Variants in ABCC12 observed in about 807,000 individuals in gnomAD.
ABCC12 encodes ATP binding cassette subfamily C member 12, also known as ATP-binding cassette sub-family C member 12.
In ABCC12, 142 loss-of-function variants were observed where a neutral mutation model predicts 151.1. The observed-to-expected ratio is 0.94, with a 90% CI of 0.82 to 1.08. The LOEUF (loss-of-function observed/expected upper bound fraction) is 1.08. Among genes scored for constraint, ABCC12 ranks in the 50% least tolerant of loss-of-function variants. The pLI is 0.00. For synonymous variants in ABCC12, 645 were observed against 646.4 expected, an observed-to-expected ratio of 1.00 and a Z score of 0.03; for missense variants, 1,638 against 1,691.1, an observed-to-expected ratio of 0.97 and a Z score of 0.55.
chr16:48,113,533 TC>T (rs915901536), intron 15 of ABCC12, among the ~76,000 whole-genome samples: 1 of 152,150 alleles, frequency 6.6e-6, no homozygotes, highest in African/African-American at 2.4e-5. Context: ...AGAGCGATCA[TC>T]CACCCCAACC....
intron 11 of ABCC12, among the ~76,000 whole-genome samples, chr16:48,124,996 G>A (rs1477007344): frequency 6.6e-6 from 1 of 152,204 alleles, no homozygotes; most frequent in Non-Finnish European, 1.5e-5. Context: ...GGAAGAGACA[G>A]GGAAGGGACA....
At position 48,153,752 on chromosome 16, in the gene ABCC12, A is replaced by G. The variant is rs1220319193; in HGVS notation, c.-187T>C. ...CAGGCCTCCCTGGCCAGGTTTGAGT[A>G]ATCAGCGCGCATAGGAAATTGGTGC... is the stretch of plus-strand genomic sequence containing the variant. On this transcript the variant is annotated 5_prime_UTR_variant, in exon 2 of 31. Coordinates refer to ENST00000311303, the MANE Select transcript of ABCC12 (RefSeq NM_001393797.1). 6.6e-6 allele frequency: 1 copy of G among 152,242 alleles called. No homozygotes were observed. Among genetic ancestry groups the G allele is most frequent in the East Asian group, 1.9e-4 (1 of 5,198 alleles). 9.4% of individuals were successfully genotyped at this position (152,242 alleles called of 1,614,324 possible).
intron 12 of ABCC12, 42 bp downstream of exon 12, chr16:48,124,171 A>G: frequency 6.3e-7 from 1 of 1,594,608 alleles, no homozygotes; most frequent in Non-Finnish European, 8.6e-7. Context: ...TTTCATTGTC[A>G]TGTTAATGTT....
Position 48,120,558 on chromosome 16 carries a change from G to T in ABCC12, c.1712+1158C>A, listed in dbSNP as rs901963593. Among the ~76,000 whole-genome samples the T allele has an allele frequency of 3.6e-3, 497 of 137,866 alleles. 2 individuals carry two copies. The highest frequency in any genetic ancestry group is 6.1e-3 in the Admixed American group (84 of 13,706). The allele number at this position is 137,866 out of a possible 152,430, so 90.4% of individuals were successfully genotyped here. A position where few individuals can be genotyped will look rare whatever the true frequency, so the allele number is the denominator to read the frequency against. On this transcript the variant is annotated intron_variant, in intron 13 of 30. Transcript: ENST00000311303. ...TGATCACGGTATTAATGAGTTTTTT[G>T]TTTTTTTTTTTTTTTGAGAAGGAGT...
In ABCC12 at chr16:48,082,660, C is replaced by T. The variant is rs370135234; in HGVS notation, c.*1055G>A. 1.6e-4 allele frequency among the ~76,000 whole-genome samples: 25 copies of T among 152,310 alleles called. No individual in the cohort carries two copies. Among genetic ancestry groups the T allele is most frequent in the East Asian group, 1.2e-3 (6 of 5,180 alleles). On this transcript the variant is annotated 3_prime_UTR_variant, in exon 31 of 31. Coordinates refer to ENST00000311303, the MANE Select transcript of ABCC12 (RefSeq NM_001393797.1). ...TGGTCTGGAAGCTTTGCTGACCACA[C>T]TGCCCTGAGCTACATTTAGAGCTCA...
chr16:48,126,668 C>T (rs988994104), intron 11 of ABCC12, among the ~76,000 whole-genome samples: 1 of 152,156 alleles, frequency 6.6e-6, no homozygotes, highest in Admixed American at 6.5e-5. Flanking sequence ...GGTAAAGAAA[C>T]AGAGGCTTAG....
chr16:48,152,069 C>A (rs1242017926), intron 2 of ABCC12, among the ~76,000 whole-genome samples: 1 of 152,148 alleles, frequency 6.6e-6, no homozygotes. Flanking sequence ...TTGGCATGAC[C>A]GTGAAAGACT....
intron 10 of ABCC12, among the ~76,000 whole-genome samples, chr16:48,129,598 C>T (rs1053615953): frequency 1.3e-5 from 2 of 152,086 alleles, no homozygotes; most frequent in African/African-American, 4.8e-5. Flanking sequence ...GACAAGGGTT[C>T]AAGGATTTTG....
chr16:48,132,544 C>A (rs1184056723), intron 9 of ABCC12, among the ~76,000 whole-genome samples: 2 of 151,802 alleles, frequency 1.3e-5, no homozygotes, highest in Non-Finnish European at 2.9e-5. Flanking sequence ...TTTTTTGTTG[C>A]CTTTGTTGGC....
chr16:48,095,946 G>C (rs1963079264), intron 24 of ABCC12, among the ~76,000 whole-genome samples: 1 of 152,176 alleles, frequency 6.6e-6, no homozygotes, highest in South Asian at 2.1e-4. Context: ...GGACCAGGTG[G>C]CCTGCATTCA....
At position 48,141,236 on chromosome 16, in the gene ABCC12, G is replaced by A. The variant is rs374948193; in HGVS notation, c.393C>T (p.Ile131=). The A allele has an allele frequency of 5.0e-6, 8 of 1,614,154 alleles. No homozygotes were observed. Among genetic ancestry groups the A allele is most frequent in the South Asian group, 1.1e-5 (1 of 91,078 alleles). The change falls in exon 5 of 31, where the codon ATC becomes ATT. Residue 131 remains isoleucine (I), a synonymous_variant. Transcript: ENST00000311303. ...CTATGGCTGCCATGATGATGCACAG[G>A]ATGTTGGCCACGATGTCCATCAACA... ...TRVLMDIVAN[I]LCIIMAAIGP...
intron 2 of ABCC12, among the ~76,000 whole-genome samples, chr16:48,151,063 G>C (rs150428317): frequency 5.3e-4 from 81 of 152,158 alleles, no homozygotes; most frequent in African/African-American, 1.7e-3. Context: ...ATGCTTCCAA[G>C]AGTATAGTAC....
chr16:48,117,384 G>T (rs986174829), intron 13 of ABCC12, 51 bp from the exon 14 acceptor site: 4 of 1,580,628 alleles, frequency 2.5e-6, no homozygotes, highest in Non-Finnish European at 3.5e-6. Flanking sequence ...CCCAAGCACT[G>T]CTGCCCTGGG....
intron 7 of ABCC12, 54 bp downstream of exon 7, chr16:48,139,109 A>C: frequency 6.6e-7 from 1 of 1,516,774 alleles, no homozygotes; most frequent in Non-Finnish European, 8.8e-7. Flanking sequence ...AATTCAGTGA[A>C]AGTGTGTGAA....
At chr16:48,148,277 G>T (rs1037005228) in intron 2 of ABCC12, among the ~76,000 whole-genome samples, 1 of 148,048 alleles carries the variant, frequency 6.8e-6, no homozygotes, top group Non-Finnish European at 1.5e-5. Flanking sequence ...TCACTCTGTC[G>T]CCAGGCTGGA....
At chr16:48,146,649 T>C (rs1378087980) in intron 2 of ABCC12, 175 bp from the exon 3 acceptor site, 3 of 515,144 alleles carry the variant, frequency 5.8e-6, no homozygotes, top group Non-Finnish European at 1.0e-5. Flanking sequence ...CGTCCCTTAA[T>C]GCTACGCTGA....
chr16:48,154,115 G>T (rs186951516), intron 1 of ABCC12, among the ~76,000 whole-genome samples: 117 of 152,236 alleles, frequency 7.7e-4, no homozygotes, highest in African/African-American at 2.6e-3. Context: ...TCTGTTCTTG[G>T]CATTGTGTTT....
intron 13 of ABCC12, among the ~76,000 whole-genome samples, chr16:48,120,075 G>T (rs1254131703): frequency 6.6e-6 from 1 of 152,164 alleles, no homozygotes; most frequent in Non-Finnish European, 1.5e-5. Context: ...GCTTAAAGAT[G>T]ATGGTCCAAT....
At position 48,091,185 on chromosome 16, in the gene ABCC12, C is replaced by A; in HGVS notation, c.3220G>T (p.Val1074Leu). The A allele has an allele frequency of 6.2e-7, 1 of 1,614,170 alleles. No individual in the cohort carries two copies. The highest frequency in any genetic ancestry group is 8.5e-7 in the Non-Finnish European group (1 of 1,180,008). The change falls in exon 25 of 31, where the codon GTG becomes TTG. Residue 1074 changes from valine (V) to leucine (L), a missense_variant. Coordinates refer to ENST00000311303, the MANE Select transcript of ABCC12 (RefSeq NM_001393797.1). The part of the protein sequence containing the change: ...IQLSGLLQVC[V>L]RTGTETQAKF... The stretch of plus-strand genomic sequence containing the variant: ...GCTTGCGTCTCTGTTCCCGTTCGCA[C>A]ACACACTTGGAGCAGTCCGCTCAGC...
Sources: gnomAD v4.1 joint callset for allele counts (sites outside exome capture counted in the v4.1 genomes callset) on GRCh38, gnomAD v4.1.1 for gene constraint, MANE v1.5 for transcripts, NCBI Gene and HGNC (gene_info 2026-07-23, HGNC 2026-07-21) for gene names.